Variants in OR5H15 observed in about 807,000 individuals in gnomAD.
OR5H15 encodes the protein olfactory receptor family 5 subfamily H member 15.
For missense variants in OR5H15, 405 were observed against 366.1 expected (o/e 1.11, Z -0.87); for synonymous variants, 153 against 129.1 (o/e 1.19, Z -1.26).
Position 98,169,002 on chromosome 3 carries a change from T to A in OR5H15, c.303T>A (p.Phe101Leu). The A allele has an allele frequency of 6.2e-7, 1 of 1,613,688 alleles. No individual in the cohort carries two copies. The highest frequency in any genetic ancestry group is 8.5e-7 in the Non-Finnish European group (1 of 1,179,666). Reference protein sequence around the residue: ...MISLSECKIQFFSIAIGVTTE... With the variant: ...MISLSECKIQLFSIAIGVTTE... Reference sequence around the variant, plus strand: ...CTCTCTCTGAATGCAAGATACAATTTTTTTCCATTGCAATTGGCGTAACCA... The same window carrying A: ...CTCTCTCTGAATGCAAGATACAATTATTTTCCATTGCAATTGGCGTAACCA... The change falls in exon 2 of 2, where the codon TTT becomes TTA. Residue 101 changes from phenylalanine (F) to leucine (L), a missense_variant. Coordinates refer to ENST00000641450, the MANE Select transcript of OR5H15 (RefSeq NM_001005515.2).
At chr3:98,167,659 T>C (rs1708738899) in intron 1 of OR5H15, among the ~76,000 whole-genome samples, 1 of 152,064 alleles carries the variant, frequency 6.6e-6, no homozygotes, top group African/African-American at 2.4e-5. Context: ...TGTTTCTTCA[T>C]TACTCTCCAA....
chr3:98,166,858 T>C (rs1348614727), intron 1 of OR5H15, 27 bp downstream of exon 1: 4 of 152,200 alleles, frequency 2.6e-5, no homozygotes, highest in Non-Finnish European at 4.4e-5. Flanking sequence ...TTCTAAATTT[T>C]CATTATGCCT....
At position 98,169,261 on chromosome 3, in the gene OR5H15, T is replaced by A; in HGVS notation, c.562T>A (p.Ser188Thr). 2 of 1,610,976 alleles carry A rather than the reference T, an allele frequency of 1.2e-6. No individual in the cohort carries two copies. The highest frequency in any genetic ancestry group is 1.7e-6 in the Non-Finnish European group (2 of 1,177,848). ...TGACACTATCCCATTGTCTAAGATTTCTTGTACTGATTCTTCTATTAATTT... is the reference window on the plus strand; with the variant it reads ...TGACACTATCCCATTGTCTAAGATTACTTGTACTGATTCTTCTATTAATTT... ...YCDTIPLSKI[S>T]CTDSSINFLM... Residue 188 changes from serine to threonine, a missense_variant, in exon 2 of 2, where the codon TCT becomes ACT. Coordinates refer to ENST00000641450, the MANE Select transcript of OR5H15 (RefSeq NM_001005515.2).
rs779952388 is a variant in OR5H15, at chr3:98,169,409, C to A, written c.710C>A (p.Ala237Asp). The A allele has an allele frequency of 1.2e-6, 2 of 1,613,500 alleles. No individual in the cohort carries two copies. The highest frequency in any genetic ancestry group is 4.5e-5 in the East Asian group (2 of 44,812). The change falls in exon 2 of 2, where the codon GCC becomes GAC. Residue 237 changes from alanine (A) to aspartate (D), a missense_variant. Transcript: ENST00000641450. ...EKKSDKGVRK[A>D]FSTCGAHLFS... ...AAATCTGATAAGGGTGTAAGGAAAG[C>A]CTTTTCCACCTGTGGAGCCCATCTC...
At chr3:98,167,988 A>G (rs1357971609) in intron 1 of OR5H15, among the ~76,000 whole-genome samples, 1 of 152,058 alleles carries the variant, frequency 6.6e-6, no homozygotes, top group Non-Finnish European at 1.5e-5. Context: ...TCTCACAAGG[A>G]CTATACATTT....
At position 98,169,251 on chromosome 3, in the gene OR5H15, G is replaced by T. The variant is rs957346237; in HGVS notation, c.552G>T (p.Leu184Phe). Residue 184 changes from leucine (L) to phenylalanine (F), a missense_variant, in exon 2 of 2, where the codon TTG becomes TTT. Transcript: ENST00000641450. The stretch of plus-strand genomic sequence containing the variant: ...ACATTTACTGTGACACTATCCCATT[G>T]TCTAAGATTTCTTGTACTGATTCTT... Reference protein sequence around the residue: ...VHHIYCDTIPLSKISCTDSSI... With the variant: ...VHHIYCDTIPFSKISCTDSSI... 8.1e-6 allele frequency: 13 copies of T among 1,611,254 alleles called. No individual in the cohort carries two copies. Among genetic ancestry groups the T allele is most frequent in the Non-Finnish European group, 1.1e-5 (13 of 1,178,200 alleles).
chr3:98,168,595 T>G, intron 1 of OR5H15, 87 bp from the exon 2 acceptor site: 3 of 1,441,040 alleles, frequency 2.1e-6, no homozygotes, highest in Non-Finnish European at 2.8e-6. Flanking sequence ...TCTGATCATT[T>G]TAGGGTTTAT....
At position 98,166,746 on chromosome 3, in the gene OR5H15, T is replaced by C. The variant is rs182262280; in HGVS notation, c.-104T>C. On this transcript the variant is annotated 5_prime_UTR_variant, in exon 1 of 2. Coordinates refer to ENST00000641450, the MANE Select transcript of OR5H15 (RefSeq NM_001005515.2). ...ACGTAATGAATGGCTACCTGTGTTA[T>C]TGACATTGCTGTGCTACTGTATGTA... The C allele has an allele frequency of 1.8e-4, 28 of 152,308 alleles. No individual in the cohort carries two copies. The highest frequency in any genetic ancestry group is 6.5e-4 in the African/African-American group (27 of 41,588). The allele number at this position is 152,308 out of a possible 1,614,324, so 9.4% of individuals were successfully genotyped here.
chr3:98,167,929 A>T (rs1418239102), intron 1 of OR5H15, among the ~76,000 whole-genome samples: 1 of 152,062 alleles, frequency 6.6e-6, no homozygotes, highest in Admixed American at 6.6e-5. Context: ...CTACATTCTG[A>T]ATTCCTTAGA....
rs1297999998 is a variant in OR5H15 at position 98,166,704 on chromosome 3, C to G, written c.-146C>G. 1 of 152,076 alleles carries G rather than the reference C, an allele frequency of 6.6e-6. No individual in the cohort carries two copies. Among genetic ancestry groups the G allele is most frequent in the East Asian group, 1.9e-4 (1 of 5,184 alleles). 9.4% of individuals were successfully genotyped at this position (152,076 alleles called of 1,614,324 possible). On this transcript the variant is annotated 5_prime_UTR_variant, in exon 1 of 2. Transcript: ENST00000641450. ...TTTTTCTATGCTTGGAAAATGAAACCTTCAAAAAGCATGAGTACGTAATGA... is the reference window on the plus strand; with the variant it reads ...TTTTTCTATGCTTGGAAAATGAAACGTTCAAAAAGCATGAGTACGTAATGA...
In OR5H15 at chr3:98,168,846, C is replaced by G. The variant is rs1173512597; in HGVS notation, c.147C>G (p.Ile49Met). ...IMGNLGLIAV[I>M]WKDPHLHIPM... is the part of the protein sequence containing the mutation. ...GGAATCTTGGTCTGATTGCTGTCAT[C>G]TGGAAAGACCCTCACCTTCATATCC... The change falls in exon 2 of 2, where the codon ATC becomes ATG. Residue 49 changes from isoleucine (I) to methionine (M), a missense_variant. By Grantham distance (10) the Ile-to-Met change is conservative. Coordinates refer to ENST00000641450, the MANE Select transcript of OR5H15 (RefSeq NM_001005515.2). 3 of 1,613,366 alleles carry G rather than the reference C, an allele frequency of 1.9e-6. No homozygotes were observed. Among genetic ancestry groups the G allele is most frequent in the South Asian group, 1.1e-5 (1 of 91,072 alleles).
At chr3:98,168,484 A>C (rs1708751035) in intron 1 of OR5H15, among the ~76,000 whole-genome samples, 198 bp from the exon 2 acceptor site, 1 of 152,076 alleles carries the variant, frequency 6.6e-6, no homozygotes, top group Non-Finnish European at 1.5e-5. Flanking sequence ...AAATCAGTTA[A>C]TTACTGCACA....
Position 98,169,544 on chromosome 3 carries a change from T to C in OR5H15, c.845T>C (p.Ile282Thr). 1 of 1,612,926 alleles carries C rather than the reference T, an allele frequency of 6.2e-7. No homozygotes were observed. The highest frequency in any genetic ancestry group is 1.1e-5 in the South Asian group (1 of 91,042). Residue 282 changes from isoleucine to threonine, a missense_variant, in exon 2 of 2, where the codon ATT (isoleucine) becomes ACT (threonine). By Grantham distance (89) the Ile-to-Thr change is moderately conservative. Transcript: ENST00000641450. ...MVEPLFYTVI[I>T]PLLNPIIYSL... ...GAGCCTCTATTCTACACTGTCATCATTCCTTTGTTAAATCCTATCATCTAC... is the reference window on the plus strand; with the variant it reads ...GAGCCTCTATTCTACACTGTCATCACTCCTTTGTTAAATCCTATCATCTAC...
Position 98,169,033 on chromosome 3 carries a change from T to C in OR5H15, c.334T>C (p.Cys112Arg). The C allele has an allele frequency of 6.2e-7, 1 of 1,613,692 alleles. No homozygotes were observed. Among genetic ancestry groups the C allele is most frequent in the Non-Finnish European group, 8.5e-7 (1 of 1,179,682 alleles). Residue 112 changes from cysteine (C) to arginine (R), a missense_variant, in exon 2 of 2, where the codon TGT becomes CGT. Cys to Arg is a radical substitution (Grantham distance 180). Coordinates refer to ENST00000641450, the MANE Select transcript of OR5H15 (RefSeq NM_001005515.2). ...FSIAIGVTTE[C>R]FLLATMAYDR... ...CATTGCAATTGGCGTAACCACAGAA[T>C]GTTTTCTCTTGGCAACAATGGCATA... is the stretch of plus-strand genomic sequence containing the variant.
intron 1 of OR5H15, 98 bp from the exon 2 acceptor site, chr3:98,168,584 T>G: frequency 7.5e-7 from 1 of 1,336,860 alleles, no homozygotes; most frequent in Non-Finnish European, 1.0e-6. Flanking sequence ...ATTGAGAGGG[T>G]TCTGATCATT....
chr3:98,169,212 C>A lies in OR5H15; in HGVS notation c.513C>A (p.Ser171=), dbSNP rs1341046707. The change falls in exon 2 of 2, where the codon TCC becomes TCA. Residue 171 remains serine (S), a synonymous_variant. Coordinates refer to ENST00000641450, the MANE Select transcript of OR5H15 (RefSeq NM_001005515.2). ...TATTCAGACTAACCTTCTGTAACTC[C>A]AACATAGTACATCACATTTACTGTG... is the stretch of plus-strand genomic sequence containing the variant. The part of the protein sequence containing the change: ...GFLFRLTFCN[S]NIVHHIYCDT... The A allele has an allele frequency of 1.2e-5, 20 of 1,611,818 alleles. No individual in the cohort carries two copies. The highest frequency in any genetic ancestry group is 1.7e-5 in the Non-Finnish European group (20 of 1,178,556).
chr3:98,168,825 T>C lies in OR5H15; in HGVS notation c.126T>C (p.Asn42=), dbSNP rs1463902560. 1.9e-6 allele frequency: 3 copies of C among 1,613,566 alleles called. No individual in the cohort carries two copies. In the Admixed American group the frequency reaches 5.0e-5, roughly 27 times the overall value. Residue 42 remains asparagine, a synonymous_variant, in exon 2 of 2, where the codon AAT becomes AAC. Coordinates refer to ENST00000641450, the MANE Select transcript of OR5H15 (RefSeq NM_001005515.2). ...TATATCTCATCACCATCATGGGGAA[T>C]CTTGGTCTGATTGCTGTCATCTGGA... is the stretch of plus-strand genomic sequence containing the variant. ...LVIYLITIMG[N]LGLIAVIWKD... is the part of the protein sequence containing the mutation.
chr3:98,168,323 A>G (rs1166251374), intron 1 of OR5H15, among the ~76,000 whole-genome samples: 2 of 152,114 alleles, frequency 1.3e-5, no homozygotes, highest in African/African-American at 2.4e-5. Flanking sequence ...AAGATTCTTC[A>G]TATGGCACTC....
rs1013511655 is a variant in OR5H15 at position 98,169,514 on chromosome 3, T to C, written c.815T>C (p.Met272Thr). The C allele has an allele frequency of 2.5e-6, 4 of 1,613,384 alleles. No homozygotes were observed. In the African/African-American group the frequency reaches 5.3e-5, roughly 22 times the overall value. Residue 272 changes from methionine (M) to threonine (T), a missense_variant, in exon 2 of 2, where the codon ATG (methionine) becomes ACG (threonine). Met to Thr is a moderately conservative substitution (Grantham distance 81, BLOSUM62 -1). Transcript: ENST00000641450. ...TCTCCGCAAGCAGATGGTCAAAATA[T>C]GGTGGAGCCTCTATTCTACACTGTC... ...PASPQADGQNMVEPLFYTVII... is the reference protein window; with the variant it reads ...PASPQADGQNTVEPLFYTVII...
Sources: allele counts gnomAD v4.1 joint callset (sites outside exome capture counted in the v4.1 genomes callset), GRCh38; gene constraint gnomAD v4.1.1; transcripts MANE v1.5; gene names NCBI Gene and HGNC (gene_info 2026-07-23, HGNC 2026-07-21).